Variants in TP53BP1 observed in about 807,000 individuals in gnomAD.
TP53BP1 encodes the protein tumor protein p53 binding protein 1.
TP53BP1 carries 61 observed loss-of-function variants against 200.8 expected under a neutral mutation model. The observed-to-expected ratio is 0.30, with a 90% CI of 0.25 to 0.38. The LOEUF (loss-of-function observed/expected upper bound fraction) is 0.38. Ranked by LOEUF, TP53BP1 falls within the 10% of genes least tolerant of loss-of-function variation. The probability of loss-of-function intolerance (pLI) is 1.00; values close to 1 mark genes in which losing one functional copy is unlikely to be tolerated. For missense variants in TP53BP1, 2,144 were observed against 2,371.9 expected (o/e 0.90, Z 2.00); for synonymous variants, 822 against 844.3 (o/e 0.97, Z 0.46).
rs138169643 is a variant in TP53BP1 at position 43,456,406 on chromosome 15, T to C, written c.2202A>G (p.Gln734=). Residue 734 remains glutamine (Q), a synonymous_variant, in exon 12 of 28, where the codon CAA becomes CAG. Transcript: ENST00000382044. ...ETSVISIDSP[Q]KLAILDQELE... is the part of the protein sequence containing the mutation. ...ATTCTTGGTCAAGTATTGCCAACTT[T>C]TGAGGGGAATCAATACTAATCACAC... 1.5e-5 allele frequency: 24 copies of C among 1,597,348 alleles called. No individual in the cohort carries two copies. Among genetic ancestry groups the C allele is most frequent in the Non-Finnish European group, 1.5e-5 (18 of 1,174,412 alleles).
rs1443635550 is a variant in TP53BP1 at position 43,456,976 on chromosome 15, A to G, written c.1632T>C (p.Asp544=). 4 of 1,614,174 alleles carry G rather than the reference A, an allele frequency of 2.5e-6. No homozygotes were observed. The East Asian group carries it at 6.7e-5, about 27-fold the overall frequency. Residue 544 remains aspartate (D), a synonymous_variant, in exon 12 of 28, where the codon GAT becomes GAC. Coordinates refer to ENST00000382044, the MANE Select transcript of TP53BP1 (RefSeq NM_001141980.3). ...TATCCTCAATCTGTGTGTTTTCTCC[A>G]TCTTCATCAATTCTGTGAGAACTCA... ...ESLSSHRIDE[D]GENTQIEDTE...
Position 43,404,098 on chromosome 15 carries a change from C to T in TP53BP1, c.*3285G>A, listed in dbSNP as rs1881226510. On this transcript the variant is annotated 3_prime_UTR_variant, in exon 28 of 28. Transcript: ENST00000382044. ...CCTCCTTACTTCCTTGAACTAACCC[C>T]CATCTCACTGAGATAATTATCTGCT... 1.9e-6 allele frequency: 1 copy of T among 517,672 alleles called. No homozygotes were observed. The highest frequency in any genetic ancestry group is 3.3e-5 in the Admixed American group (1 of 30,190). 32.1% of individuals were successfully genotyped at this position (517,672 alleles called of 1,614,324 possible).
chr15:43,463,549 A>C (rs2046490029), intron 11 of TP53BP1, among the ~76,000 whole-genome samples: 1 of 152,256 alleles, frequency 6.6e-6, no homozygotes, highest in African/African-American at 2.4e-5. Flanking sequence ...ACATATTCAG[A>C]GTTTTCTGAA....
intron 15 of TP53BP1, among the ~76,000 whole-genome samples, chr15:43,440,001 T>C (rs529375599): frequency 1.4e-4 from 22 of 152,326 alleles, no homozygotes; most frequent in Admixed American, 1.4e-3. Flanking sequence ...TTAAATATAC[T>C]AATAGCCCAA....
intron 10 of TP53BP1, among the ~76,000 whole-genome samples, chr15:43,471,561 G>C (rs1479932273): frequency 6.6e-6 from 1 of 151,852 alleles, no homozygotes; most frequent in Non-Finnish European, 1.5e-5. Flanking sequence ...TGAGTAGCTG[G>C]GATTACAGGC....
Position 43,482,515 on chromosome 15 carries a change from T to C in TP53BP1, c.372-1493A>G, listed in dbSNP as rs2078987403. 4.6e-5 allele frequency among the ~76,000 whole-genome samples: 7 copies of C among 152,200 alleles called. No homozygotes were observed. In the South Asian group the frequency reaches 1.5e-3, roughly 32 times the overall value. On this transcript the variant is annotated intron_variant, in intron 4 of 27. Transcript: ENST00000382044. ...TGGGCGCGGTGGCTCATGCCTGTAATCCCAGCACTTTGGGAGGCCGAAACA... is the reference window on the plus strand; with the variant it reads ...TGGGCGCGGTGGCTCATGCCTGTAACCCCAGCACTTTGGGAGGCCGAAACA...
At chr15:43,484,801 A>C (rs2079023476) in intron 4 of TP53BP1, among the ~76,000 whole-genome samples, 1 of 151,512 alleles carries the variant, frequency 6.6e-6, no homozygotes, top group Admixed American at 6.6e-5. Context: ...CACAAGCTAG[A>C]GTGCAGTGAA....
chr15:43,507,049 A>G (rs1444762482), intron 1 of TP53BP1, among the ~76,000 whole-genome samples: 3 of 152,122 alleles, frequency 2.0e-5, no homozygotes, highest in Non-Finnish European at 4.4e-5. Context: ...CACTTACTCG[A>G]GCCCACTCCC....
At position 43,479,850 on chromosome 15, in the gene TP53BP1, G is replaced by C. The variant is rs1319418923; in HGVS notation, c.658+9C>G. 1.2e-6 allele frequency: 2 copies of C among 1,613,598 alleles called. No homozygotes were observed. Among genetic ancestry groups the C allele is most frequent in the Non-Finnish European group, 1.7e-6 (2 of 1,179,768 alleles). ...AACAACTCCAAATGCCAGAAAACATGTTTCATACCAGTATTAGCATCCACA... is the reference window on the plus strand; with the variant it reads ...AACAACTCCAAATGCCAGAAAACATCTTTCATACCAGTATTAGCATCCACA... On this transcript the variant is annotated intron_variant, in intron 6 of 27. Transcript: ENST00000382044.
At chr15:43,411,231 C>G (rs1485732335) in intron 24 of TP53BP1, among the ~76,000 whole-genome samples, 1 of 152,088 alleles carries the variant, frequency 6.6e-6, no homozygotes, top group Non-Finnish European at 1.5e-5. Context: ...GTCTGGGTTC[C>G]AATTTCTTCA....
intron 24 of TP53BP1, among the ~76,000 whole-genome samples, chr15:43,410,269 A>C (rs750844178): frequency 1.3e-5 from 2 of 152,218 alleles, no homozygotes; most frequent in Non-Finnish European, 2.9e-5. Flanking sequence ...AATAAACCAG[A>C]ATGCTCAATG....
rs397699362 is a variant in TP53BP1 at position 43,438,728 on chromosome 15, C to CAAAAAAAAAAA, written c.3099-323_3099-313dup. On this transcript the variant is annotated intron_variant, in intron 15 of 27. Transcript: ENST00000382044. ...CAACAAATAATTTGCAAGCAAGAGG[C>CAAAAAAAAAAA]AAAAAAAAAAAAAAAAAAAAAAAAA... is the stretch of plus-strand genomic sequence containing the variant. Among the ~76,000 whole-genome samples, 15 of 21,646 alleles carry CAAAAAAAAAAA rather than the reference C, an allele frequency of 6.9e-4. 4 individuals are homozygous for CAAAAAAAAAAA. The highest frequency in any genetic ancestry group is 2.2e-3 in the African/African-American group (11 of 4,934). 14.2% of individuals were successfully genotyped at this position (21,646 alleles called of 152,430 possible). A position where few individuals can be genotyped will look rare whatever the true frequency, so the allele number is the denominator to read the frequency against.
chr15:43,449,806 A>G (rs1009090017), intron 12 of TP53BP1, among the ~76,000 whole-genome samples: 5 of 152,210 alleles, frequency 3.3e-5, no homozygotes, highest in African/African-American at 1.2e-4. Context: ...TCAGCATTCA[A>G]CTAACTAGTA....
At chr15:43,434,384 G>T (rs937199232) in intron 16 of TP53BP1, among the ~76,000 whole-genome samples, 1 of 152,178 alleles carries the variant, frequency 6.6e-6, no homozygotes, top group African/African-American at 2.4e-5. Flanking sequence ...TGAGCAAGAA[G>T]GAAAGGATTC....
At chr15:43,476,213 T>C (rs1340151108) in intron 8 of TP53BP1, among the ~76,000 whole-genome samples, 4 of 152,110 alleles carry the variant, frequency 2.6e-5, no homozygotes, top group Non-Finnish European at 2.9e-5. Context: ...TGCAGTGAGC[T>C]GAGATTGCAC....
chr15:43,458,275 T>A (rs2046347592), intron 11 of TP53BP1, among the ~76,000 whole-genome samples: 2 of 151,134 alleles, frequency 1.3e-5, no homozygotes, highest in East Asian at 3.9e-4. Flanking sequence ...CTACTAAAAA[T>A]ACAAAAATTA....
At chr15:43,477,132 C>T (rs1324225343) in intron 8 of TP53BP1, among the ~76,000 whole-genome samples, 2 of 152,020 alleles carry the variant, frequency 1.3e-5, no homozygotes, top group East Asian at 3.9e-4. Flanking sequence ...AACCCCATCT[C>T]TACTAAAAAT....
intron 12 of TP53BP1, among the ~76,000 whole-genome samples, chr15:43,453,670 G>A (rs2046225889): frequency 6.6e-6 from 1 of 151,118 alleles, no homozygotes; most frequent in Non-Finnish European, 1.5e-5. Context: ...TCAGCCTCCA[G>A]AGTAGCTGGG....
intron 10 of TP53BP1, among the ~76,000 whole-genome samples, chr15:43,473,458 G>GC (rs2046776594): frequency 6.6e-6 from 1 of 151,576 alleles, no homozygotes; most frequent in Non-Finnish European, 1.5e-5. Flanking sequence ...GTTCTCCAAG[G>GC]CCCCACCAGA....
Sources: allele counts gnomAD v4.1 joint callset (sites outside exome capture counted in the v4.1 genomes callset), GRCh38; gene constraint gnomAD v4.1.1; transcripts MANE v1.5; gene names NCBI Gene and HGNC (gene_info 2026-07-23, HGNC 2026-07-21).